Variants in PLXNA2 observed in about 807,000 individuals in gnomAD.
PLXNA2 encodes the protein plexin-A2.
In PLXNA2, 91 loss-of-function variants were observed where a neutral mutation model predicts 193.5. The observed-to-expected ratio is 0.47, with a 90% CI of 0.40 to 0.56. The LOEUF is 0.56. PLXNA2 is among the 20% of genes least tolerant of loss of function. PLXNA2 has a pLI of 0.00. For synonymous variants in PLXNA2, 997 were observed against 1,027.3 expected (o/e 0.97, Z 0.56); for missense variants, 1,995 against 2,503.2 (o/e 0.80, Z 4.33).
At chr1:208,177,332 A>G (rs1669689038) in intron 3 of PLXNA2, among the ~76,000 whole-genome samples, 1 of 152,110 alleles carries the variant, frequency 6.6e-6, no homozygotes, top group South Asian at 2.1e-4. Context: ...AAATTCTGGA[A>G]CTAGACTGCC....
intron 3 of PLXNA2, among the ~76,000 whole-genome samples, chr1:208,174,408 C>T (rs1321683174): frequency 3.4e-4 from 10 of 29,390 alleles, no homozygotes; most frequent in African/African-American, 1.1e-3. Context: ...GGAGACGCCG[C>T]GGGTGGGGGT....
chr1:208,202,986 C>T (rs1670598874), intron 3 of PLXNA2, among the ~76,000 whole-genome samples: 1 of 152,188 alleles, frequency 6.6e-6, no homozygotes, highest in East Asian at 1.9e-4. Context: ...TCTGGGAGAT[C>T]AGGACCTCCT....
rs1664613151 is a variant in PLXNA2 at position 208,034,565 on chromosome 1, C to T, written c.4792G>A (p.Val1598Ile). 1.2e-6 allele frequency: 2 copies of T among 1,613,478 alleles called. No individual in the cohort carries two copies. Among genetic ancestry groups the T allele is most frequent in the African/African-American group, 1.3e-5 (1 of 74,870 alleles). The change falls in exon 27 of 32, where the codon GTC (valine) becomes ATC (isoleucine). Residue 1598 changes from valine to isoleucine, a missense_variant. By Grantham distance (29) the Val-to-Ile change is conservative (BLOSUM62 3). Around this residue, in one of 3 missense-constraint regions of PLXNA2, gnomAD observed 1,291 missense variants for 1,673.6 expected, o/e 0.77. Transcript: ENST00000367033. ...QVSDRSVVAL[V>I]PKQTSSYNIP... ...TTGTAGGAGGAGGTCTGTTTGGGGA[C>T]CAGAGCCACCACCGACCTGTCTGAC...
intron 12 of PLXNA2, among the ~76,000 whole-genome samples, chr1:208,062,990 C>T (rs779463826): frequency 6.6e-6 from 1 of 152,144 alleles, no homozygotes; most frequent in African/African-American, 2.4e-5. Flanking sequence ...CAGCAGGAGA[C>T]AATTTGCTTT....
chr1:208,098,432 CCTCT>C (rs200790325), intron 6 of PLXNA2, among the ~76,000 whole-genome samples: 28,831 of 136,558 alleles, frequency 0.21, 3,229 homozygotes, highest in Admixed American at 0.28. Context: ...CTTATTCTTT[CCTCT>C]CTCTCTCTCT....
At chr1:208,102,616 G>A (rs1667131982) in intron 5 of PLXNA2, among the ~76,000 whole-genome samples, 1 of 152,168 alleles carries the variant, frequency 6.6e-6, no homozygotes, top group Non-Finnish European at 1.5e-5. Context: ...TATTACCAAA[G>A]CATTTATTAT....
chr1:208,186,708 A>ATTTTTTTTTTTTTT (rs368056918), intron 3 of PLXNA2, among the ~76,000 whole-genome samples: 7 of 111,738 alleles, frequency 6.3e-5, no homozygotes, highest in African/African-American at 2.1e-4. Flanking sequence ...TTGCAATGTT[A>ATTTTTTTTTTTTTT]TTTTATTTTT....
At chr1:208,104,803 C>T (rs776079216) in intron 4 of PLXNA2, among the ~76,000 whole-genome samples, 6 of 152,014 alleles carry the variant, frequency 3.9e-5, no homozygotes, top group Non-Finnish European at 8.8e-5. Flanking sequence ...TTTAAACATC[C>T]CTCACCTCCC....
intron 3 of PLXNA2, among the ~76,000 whole-genome samples, chr1:208,162,251 G>A (rs1029642091): frequency 2.6e-5 from 4 of 152,234 alleles, no homozygotes; most frequent in African/African-American, 9.6e-5. Context: ...ATGTGACTCA[G>A]TGATATGCCA....
chr1:208,103,105 C>A, intron 5 of PLXNA2, 42 bp downstream of exon 5: 2 of 1,407,370 alleles, frequency 1.4e-6, no homozygotes, highest in South Asian at 2.3e-5. Flanking sequence ...AAGCCCCGGT[C>A]TTCTGCATGC....
chr1:208,228,021 A>G (rs1253215996), intron 1 of PLXNA2, among the ~76,000 whole-genome samples: 1 of 152,228 alleles, frequency 6.6e-6, no homozygotes. Flanking sequence ...GAAAAAGCCA[A>G]AACAAAGCAG....
intron 4 of PLXNA2, among the ~76,000 whole-genome samples, chr1:208,117,254 C>A (rs115622492): frequency 0.012 from 1,759 of 152,242 alleles, 37 homozygotes; most frequent in African/African-American, 0.039. Context: ...GAAACCTAAC[C>A]ACCCTTCAAC....
chr1:208,174,160 A>G (rs11118998), intron 3 of PLXNA2, among the ~76,000 whole-genome samples: 7 of 152,340 alleles, frequency 4.6e-5, no homozygotes, highest in African/African-American at 1.7e-4. Context: ...TGTCTAGGCC[A>G]CTTGCCTGGT....
Position 208,051,341 on chromosome 1 carries a change from G to A in PLXNA2, c.3076C>T (p.Arg1026Ter), listed in dbSNP as rs765560771. ...TGCAGGTTGCTATCCACATGGGCTCGGTCGACACTCACAGAAACAGGGACC... is the reference window on the plus strand; with the variant it reads ...TGCAGGTTGCTATCCACATGGGCTCAGTCGACACTCACAGAAACAGGGACC... ...GPVPVSVSVDRAHVDSNLQFE... is the reference protein window; with the variant it reads ...GPVPVSVSVD The change falls in exon 16 of 32, where the codon CGA becomes TGA. Residue 1026 changes from arginine to a stop codon, truncating the protein, a stop_gained. Transcript: ENST00000367033. LOFTEE classifies it high-confidence loss of function. The A allele has an allele frequency of 6.2e-7, 1 of 1,613,632 alleles. No individual in the cohort carries two copies. The highest frequency in any genetic ancestry group is 8.5e-7 in the Non-Finnish European group (1 of 1,179,876).
intron 1 of PLXNA2, among the ~76,000 whole-genome samples, chr1:208,238,867 G>A (rs542255855): frequency 2.6e-5 from 4 of 152,322 alleles, no homozygotes; most frequent in South Asian, 4.1e-4. Flanking sequence ...TGATAAGAAC[G>A]GCAAGGGCCT....
intron 4 of PLXNA2, 132 bp from the exon 5 acceptor site, chr1:208,103,379 A>G (rs1226542835): frequency 7.8e-6 from 5 of 639,530 alleles, no homozygotes; most frequent in Non-Finnish European, 1.3e-5. Flanking sequence ...GCGGCAAGTC[A>G]TGGCCTCAAT....
intron 3 of PLXNA2, among the ~76,000 whole-genome samples, chr1:208,174,056 T>G (rs978895837): frequency 6.6e-6 from 1 of 152,214 alleles, no homozygotes; most frequent in Non-Finnish European, 1.5e-5. Context: ...GTGGAATATG[T>G]GGGTTTTCTC....
chr1:208,119,713 G>A (rs1243647758), intron 4 of PLXNA2, among the ~76,000 whole-genome samples: 3 of 152,180 alleles, frequency 2.0e-5, no homozygotes, highest in South Asian at 2.1e-4. Context: ...GGGTTCAAGC[G>A]ATTCTCCTGC....
chr1:208,040,308 G>C (rs12734403), intron 22 of PLXNA2: 1 of 539,656 alleles, frequency 1.9e-6, no homozygotes, highest in Non-Finnish European at 3.3e-6. Context: ...CTGATGGTCC[G>C]TGGTGCTCTG....
Sources: allele counts gnomAD v4.1 joint callset (sites outside exome capture counted in the v4.1 genomes callset), GRCh38; gene constraint gnomAD v4.1.1; regional missense constraint gnomAD v4.1.1; transcripts MANE v1.5; gene names NCBI Gene and HGNC (gene_info 2026-07-23, HGNC 2026-07-21).